Variants in RIMS2 observed in about 807,000 individuals in gnomAD.
The protein encoded by RIMS2 is regulating synaptic membrane exocytosis protein 2.
A neutral mutation model predicts 174.4 loss-of-function variants in RIMS2; 59 were observed. The ratio of observed to expected loss-of-function variants is 0.34; its 90% CI spans 0.27 to 0.42. The LOEUF (loss-of-function observed/expected upper bound fraction) is 0.42. Ranked by LOEUF, RIMS2 falls within the 10% of genes least tolerant of loss-of-function variation. The probability of loss-of-function intolerance (pLI) is 1.00; values close to 1 mark genes in which losing one functional copy is unlikely to be tolerated. For synonymous variants in RIMS2, 606 were observed against 572.5 expected (o/e 1.06, Z -0.84); for missense variants, 1,620 against 1,666.3 (o/e 0.97, Z 0.48).
At chr8:103,820,680 T>G (rs1444515905) in intron 3 of RIMS2, among the ~76,000 whole-genome samples, 2 of 151,846 alleles carry the variant, frequency 1.3e-5, no homozygotes, top group Non-Finnish European at 2.9e-5. Flanking sequence ...ACTTTGAAAA[T>G]GGGATAACAT....
intron 15 of RIMS2, among the ~76,000 whole-genome samples, chr8:103,969,139 G>C (rs2092550475): frequency 1.3e-5 from 2 of 151,676 alleles, no homozygotes; most frequent in African/African-American, 4.8e-5. Context: ...TCTTTCAAGG[G>C]TTTTTCTTTT....
At chr8:103,501,168 G>C (rs1819558192) in intron 1 of RIMS2, 106 bp downstream of exon 1, 2 of 831,154 alleles carry the variant, frequency 2.4e-6, no homozygotes, top group South Asian at 6.7e-5. Flanking sequence ...CCCTCCCGCT[G>C]GCGGCGCCCA....
rs545529787 is a variant in RIMS2, at chr8:103,752,976, A to G, written c.388-13251A>G. 3.6e-3 allele frequency among the ~76,000 whole-genome samples: 543 copies of G among 151,972 alleles called. 3 individuals are homozygous for G. The highest frequency in any genetic ancestry group is 0.013 in the African/African-American group (524 of 41,460). ...GCCAGAACTTCCAACACTATGTTGA[A>G]TAGGAGTGGTGAGAGAGGGCATCCC... On this transcript the variant is annotated intron_variant, in intron 2 of 23. Transcript: ENST00000504942.
At chr8:103,845,604 C>A (rs2098963752) in intron 3 of RIMS2, among the ~76,000 whole-genome samples, 1 of 151,930 alleles carries the variant, frequency 6.6e-6, no homozygotes, top group Non-Finnish European at 1.5e-5. Context: ...GTACCCAAAC[C>A]CAGGTGCTCT....
chr8:103,810,593 A>T (rs568032762), intron 3 of RIMS2, among the ~76,000 whole-genome samples: 3 of 152,178 alleles, frequency 2.0e-5, no homozygotes, highest in Non-Finnish European at 4.4e-5. Flanking sequence ...TCCTTTAAAA[A>T]TTTTTATTGT....
chr8:103,752,285 G>T (rs1236101555), intron 2 of RIMS2, among the ~76,000 whole-genome samples: 1 of 151,958 alleles, frequency 6.6e-6, no homozygotes, highest in African/African-American at 2.4e-5. Flanking sequence ...ATTTCTGAGG[G>T]CTCTGTTCTG....
intron 3 of RIMS2, among the ~76,000 whole-genome samples, chr8:103,856,161 G>A (rs904771078): frequency 1.3e-5 from 2 of 151,608 alleles, no homozygotes; most frequent in African/African-American, 4.9e-5. Flanking sequence ...TAAAATCTAT[G>A]TTATCTGATA....
chr8:103,633,229 T>A (rs1047301692), intron 1 of RIMS2, among the ~76,000 whole-genome samples: 2 of 149,840 alleles, frequency 1.3e-5, no homozygotes, highest in South Asian at 2.1e-4. Flanking sequence ...GTATTTTTAG[T>A]ATAGATGGGT....
In RIMS2 at chr8:103,936,531, T is replaced by C; in HGVS notation, c.2376-20T>C. 1.3e-6 allele frequency: 2 copies of C among 1,486,946 alleles called. No individual in the cohort carries two copies. The highest frequency in any genetic ancestry group is 1.8e-6 in the Non-Finnish European group (2 of 1,100,816). The allele number at this position is 1,486,946 out of a possible 1,614,324, so 92.1% of individuals were successfully genotyped here. The stretch of plus-strand genomic sequence containing the variant: ...CTTATAGTTCTATGTAAGTTCATAA[T>C]TCATTGTTTTTTTCCATAGTGATAA... On this transcript the variant is annotated intron_variant, in intron 12 of 23. Transcript: ENST00000504942.
At chr8:104,246,664 G>A (rs1262971160) in intron 20 of RIMS2, among the ~76,000 whole-genome samples, 3 of 152,152 alleles carry the variant, frequency 2.0e-5, no homozygotes, top group Non-Finnish European at 2.9e-5. Context: ...CAGGATAGAC[G>A]GGGAAAGGAA....
intron 2 of RIMS2, among the ~76,000 whole-genome samples, chr8:103,722,633 C>T (rs1218640713): frequency 2.0e-5 from 3 of 152,132 alleles, no homozygotes; most frequent in African/African-American, 7.2e-5. Context: ...ATAAAGTTTG[C>T]TTGCTCACTC....
At chr8:103,611,975 T>C (rs1428103154) in intron 1 of RIMS2, among the ~76,000 whole-genome samples, 3 of 151,606 alleles carry the variant, frequency 2.0e-5, no homozygotes, top group African/African-American at 4.9e-5. Context: ...TTTATTTTTT[T>C]TCTCTTTTGT....
chr8:103,917,443 A>G (rs772183383), intron 8 of RIMS2, among the ~76,000 whole-genome samples: 1 of 152,144 alleles, frequency 6.6e-6, no homozygotes, highest in African/African-American at 2.4e-5. Flanking sequence ...TTGTCCTTTC[A>G]TAGTTTTATA....
intron 19 of RIMS2, chr8:104,093,540 A>T: frequency 1.3e-6 from 2 of 1,597,258 alleles, no homozygotes; most frequent in Non-Finnish European, 1.7e-6. Flanking sequence ...CAGTGATGTA[A>T]GTGATATATC....
intron 1 of RIMS2, chr8:103,568,471 A>G: frequency 4.0e-6 from 1 of 247,390 alleles, no homozygotes; most frequent in Non-Finnish European, 8.1e-6. Context: ...GGTAAGGCTT[A>G]CCATCTAAAT....
intron 19 of RIMS2, among the ~76,000 whole-genome samples, chr8:104,082,367 T>C (rs1167070857): frequency 1.3e-5 from 2 of 152,130 alleles, no homozygotes; most frequent in Non-Finnish European, 2.9e-5. Flanking sequence ...TGTTGAATGA[T>C]ATAATTTTTA....
intron 14 of RIMS2, among the ~76,000 whole-genome samples, chr8:103,958,511 G>A (rs2154544936): frequency 6.6e-6 from 1 of 152,248 alleles, no homozygotes; most frequent in South Asian, 2.1e-4. Flanking sequence ...CGGGACACGA[G>A]TTGACCTATG....
At chr8:103,811,975 G>T (rs1017594460) in intron 3 of RIMS2, among the ~76,000 whole-genome samples, 5 of 152,142 alleles carry the variant, frequency 3.3e-5, no homozygotes, top group Non-Finnish European at 7.4e-5. Flanking sequence ...TTTTGAATTA[G>T]ATGCCATAAA....
At chr8:104,231,219 C>T (rs2099226368) in intron 19 of RIMS2, among the ~76,000 whole-genome samples, 1 of 152,182 alleles carries the variant, frequency 6.6e-6, no homozygotes. Flanking sequence ...TCCAACATCA[C>T]TGCTCCTGTA....
Sources: gnomAD v4.1 joint callset for allele counts (sites outside exome capture counted in the v4.1 genomes callset) on GRCh38, gnomAD v4.1.1 for gene constraint, MANE v1.5 for transcripts, NCBI Gene and HGNC (gene_info 2026-07-23, HGNC 2026-07-21) for gene names.